FAN1: variants seen among roughly 807,000 people sequenced by gnomAD.
The protein encoded by FAN1 is fanconi-associated nuclease 1.
In FAN1, 91 loss-of-function variants were observed where a neutral mutation model predicts 104.9. The ratio of observed to expected loss-of-function variants is 0.87; its 90% CI spans 0.73 to 1.03. FAN1 has a LOEUF of 1.03. FAN1 is among the 50% of genes least tolerant of loss of function. The pLI is 0.00. For synonymous variants in FAN1, 478 were observed against 457.6 expected (o/e 1.04, Z -0.57); for missense variants, 1,263 against 1,239.9 (o/e 1.02, Z -0.28).
Position 30,939,651 on chromosome 15 carries a change from A to G in FAN1, c.*4-1915A>G, listed in dbSNP as rs573532820. The G allele has an allele frequency of 7.5e-5, 30 of 399,158 alleles. No individual in the cohort carries two copies. The African/African-American group carries it at 9.4e-4, about 12-fold the overall frequency. 24.7% of individuals were successfully genotyped at this position (399,158 alleles called of 1,614,324 possible). A position where few individuals can be genotyped will look rare whatever the true frequency, so the allele number is the denominator to read the frequency against. On this transcript the variant is annotated intron_variant, in intron 14 of 14. Transcript: ENST00000362065. ...AAATTAACAACAATAAAATACTACA[A>G]GAGTTAAAATAAACGTGAAGGAAGA...
intron 13 of FAN1, among the ~76,000 whole-genome samples, chr15:30,936,056 T>C (rs1208298016): frequency 6.6e-6 from 1 of 151,812 alleles, no homozygotes; most frequent in Non-Finnish European, 1.5e-5. Flanking sequence ...TCTAATTAAA[T>C]GTCCCTTAGG....
chr15:30,923,750 T>C (rs546101060), intron 8 of FAN1, among the ~76,000 whole-genome samples: 1 of 152,336 alleles, frequency 6.6e-6, no homozygotes, highest in South Asian at 2.1e-4. Context: ...TTCATTTCCT[T>C]CAGCCACTCA....
chr15:30,932,192 A>C (rs1232110442), intron 13 of FAN1, among the ~76,000 whole-genome samples: 1 of 143,026 alleles, frequency 7.0e-6, no homozygotes, highest in African/African-American at 2.6e-5. Flanking sequence ...ACTGCACTCC[A>C]GCCTGGGCAA....
At chr15:30,907,550 A>AC (rs1297650529) in intron 2 of FAN1, among the ~76,000 whole-genome samples, 1 of 151,792 alleles carries the variant, frequency 6.6e-6, no homozygotes, top group African/African-American at 2.4e-5. Flanking sequence ...AAACAAAAAA[A>AC]CAACCAAAAA....
At chr15:30,911,074 A>G (rs2062091202) in intron 4 of FAN1, 2 of 1,215,358 alleles carry the variant, frequency 1.6e-6, no homozygotes, top group Admixed American at 4.2e-5. Context: ...GTAGTATTTT[A>G]TTTTCCGAGA....
At position 30,941,768 on chromosome 15, in the gene FAN1, A is replaced by G; in HGVS notation, c.*206A>G. On this transcript the variant is annotated 3_prime_UTR_variant, in exon 15 of 15. Coordinates refer to ENST00000362065, the MANE Select transcript of FAN1 (RefSeq NM_014967.5). ...ATCAGCCAGGAGGGAGAGCTTGTGAAAGGCTGTGATGGAGCCACCCAGGCT... is the reference window on the plus strand; with the variant it reads ...ATCAGCCAGGAGGGAGAGCTTGTGAGAGGCTGTGATGGAGCCACCCAGGCT... The G allele has an allele frequency of 6.2e-7, 1 of 1,613,974 alleles. No individual in the cohort carries two copies. Among genetic ancestry groups the G allele is most frequent in the Non-Finnish European group, 8.5e-7 (1 of 1,179,864 alleles).
chr15:30,913,798 A>G (rs1389987589), intron 4 of FAN1, 60 bp from the exon 5 acceptor site: 2 of 1,095,848 alleles, frequency 1.8e-6, no homozygotes, highest in African/African-American at 3.2e-5. Context: ...ATAATTTGTA[A>G]AATCTGACAT....
chr15:30,929,055 C>T (rs1468938918), intron 11 of FAN1, 148 bp from the exon 12 acceptor site: 1 of 783,546 alleles, frequency 1.3e-6, no homozygotes, highest in Non-Finnish European at 2.0e-6. Context: ...TAATAAATTG[C>T]TTTTATATCA....
chr15:30,932,716 C>CTT (rs60673122), intron 13 of FAN1, among the ~76,000 whole-genome samples: 68,285 of 134,128 alleles, frequency 0.51, 18,300 homozygotes, highest in East Asian at 0.86. Context: ...TGTTTCTTTT[C>CTT]TTTTTTTTTT....
intron 13 of FAN1, among the ~76,000 whole-genome samples, chr15:30,933,555 T>C (rs140156205): frequency 6.8e-4 from 103 of 152,356 alleles, no homozygotes; most frequent in African/African-American, 2.5e-3. Context: ...TGGTATTCCC[T>C]GGTGAATATT....
intron 14 of FAN1, chr15:30,940,765 ATT>A (rs1375711309): frequency 1.0e-6 from 1 of 988,566 alleles, no homozygotes; most frequent in East Asian, 1.1e-4. Context: ...TCCCACCCCA[ATT>A]TTAAAAAGTG....
Position 30,941,964 on chromosome 15 carries a change from G to A in FAN1, c.*402G>A. 1 of 1,614,002 alleles carries A rather than the reference G, an allele frequency of 6.2e-7. No homozygotes were observed. Among genetic ancestry groups the A allele is most frequent in the Non-Finnish European group, 8.5e-7 (1 of 1,179,898 alleles). ...CTGTCGGTTTGCTGAGCTGGATCTG[G>A]CTTTGGTTTTAATATCAATGAATTT... On this transcript the variant is annotated 3_prime_UTR_variant, in exon 15 of 15. Coordinates refer to ENST00000362065, the MANE Select transcript of FAN1 (RefSeq NM_014967.5).
At chr15:30,912,309 G>A (rs2062116366) in intron 4 of FAN1, among the ~76,000 whole-genome samples, 1 of 152,186 alleles carries the variant, frequency 6.6e-6, no homozygotes, top group African/African-American at 2.4e-5. Flanking sequence ...GCAGCGCCTG[G>A]TGCTTTTACT....
chr15:30,916,293 C>T (rs1334710356), intron 5 of FAN1, among the ~76,000 whole-genome samples: 1 of 152,198 alleles, frequency 6.6e-6, no homozygotes, highest in Non-Finnish European at 1.5e-5. Flanking sequence ...TCAGTTTCCT[C>T]ATCTGTCAAA....
At chr15:30,917,758 G>T (rs1424403304) in intron 5 of FAN1, among the ~76,000 whole-genome samples, 1 of 152,108 alleles carries the variant, frequency 6.6e-6, no homozygotes. Context: ...CATCCCTCTG[G>T]CTAGCTCTGA....
chr15:30,910,979 G>A, intron 4 of FAN1, 164 bp downstream of exon 4: 1 of 1,318,374 alleles, frequency 7.6e-7, no homozygotes, highest in South Asian at 2.5e-5. Context: ...TTCTTTCTTG[G>A]GTTATTATTC....
intron 5 of FAN1, 39 bp from the exon 6 acceptor site, chr15:30,918,125 C>T (rs1274770622): frequency 1.2e-6 from 2 of 1,610,728 alleles, no homozygotes; most frequent in Non-Finnish European, 8.5e-7. Flanking sequence ...TATGGGAATG[C>T]TCATTCTTAT....
Position 30,942,351 on chromosome 15 carries a change from G to A in FAN1, c.*789G>A, listed in dbSNP as rs1315841274. ...TTTGCTTAAGGATAAGTTCTAAGAC[G>A]GGCTAGAAAAAACACTAGACCTGGC... On this transcript the variant is annotated 3_prime_UTR_variant, in exon 15 of 15. Transcript: ENST00000362065. 7 of 470,812 alleles carry A rather than the reference G, an allele frequency of 1.5e-5. No individual in the cohort carries two copies. The highest frequency in any genetic ancestry group is 3.8e-5 in the Admixed American group (1 of 26,384). The allele number at this position is 470,812 out of a possible 1,614,324, so 29.2% of individuals were successfully genotyped here. A position where few individuals can be genotyped will look rare whatever the true frequency, so the allele number is the denominator to read the frequency against.
intron 6 of FAN1, among the ~76,000 whole-genome samples, chr15:30,918,812 A>T (rs1490933671): frequency 6.6e-6 from 1 of 152,182 alleles, no homozygotes; most frequent in African/African-American, 2.4e-5. Flanking sequence ...TTACATAGTG[A>T]TGAGAAAAAT....
Sources: gnomAD v4.1 joint callset for allele counts (sites outside exome capture counted in the v4.1 genomes callset) on GRCh38, gnomAD v4.1.1 for gene constraint, MANE v1.5 for transcripts, NCBI Gene and HGNC (gene_info 2026-07-23, HGNC 2026-07-21) for gene names.